SNTB2: variants seen among roughly 807,000 people sequenced by gnomAD.
SNTB2 encodes the protein syntrophin beta 2, also known as beta-2-syntrophin.
Under a neutral mutation model 46.2 loss-of-function variants are expected in SNTB2, and 34 were observed. The ratio of observed to expected loss-of-function variants is 0.74; its 90% CI spans 0.56 to 0.98. SNTB2 has a LOEUF of 0.98. Among genes scored for constraint, SNTB2 ranks in the 50% least tolerant of loss-of-function variants. The pLI is 0.00. For missense variants in SNTB2, 603 were observed against 731.4 expected (o/e 0.82, Z 2.02); for synonymous variants, 290 against 312.6 (o/e 0.93, Z 0.76).
At chr16:69,203,470 C>G (rs1415601631) in intron 1 of SNTB2, among the ~76,000 whole-genome samples, 1 of 152,030 alleles carries the variant, frequency 6.6e-6, no homozygotes, top group East Asian at 1.9e-4. Flanking sequence ...TCTCGAGTAG[C>G]TGGAATTAGT....
chr16:69,267,260 G>A (rs200407983), intron 3 of SNTB2, among the ~76,000 whole-genome samples: 19 of 152,178 alleles, frequency 1.2e-4, no homozygotes, highest in African/African-American at 3.1e-4. Flanking sequence ...CTCTTCATCC[G>A]CCTGACTTGG....
chr16:69,282,030 C>A (rs999932487), intron 4 of SNTB2, among the ~76,000 whole-genome samples: 6 of 149,176 alleles, frequency 4.0e-5, no homozygotes, highest in Admixed American at 6.6e-5. Context: ...CTCAGCCTTC[C>A]GAGTAGCTGA....
chr16:69,237,196 G>T (rs898704682), intron 1 of SNTB2, among the ~76,000 whole-genome samples: 2 of 152,012 alleles, frequency 1.3e-5, no homozygotes, highest in Admixed American at 1.3e-4. Context: ...AAAGTGAGAA[G>T]TGCTAAAATC....
intron 1 of SNTB2, chr16:69,241,837 G>A (rs1272329135): frequency 1.3e-5 from 2 of 151,372 alleles, no homozygotes; most frequent in East Asian, 2.0e-4. Flanking sequence ...GCTAAGATGG[G>A]AGGATGGTTT....
At chr16:69,294,448 G>T (rs145992446) in intron 5 of SNTB2, among the ~76,000 whole-genome samples, 477 of 152,274 alleles carry the variant, frequency 3.1e-3, no homozygotes, top group Non-Finnish European at 4.1e-3. Flanking sequence ...TACAGGCTGG[G>T]CATGGTGGCT....
chr16:69,204,282 G>A (rs745781319), intron 1 of SNTB2, among the ~76,000 whole-genome samples: 8 of 152,182 alleles, frequency 5.3e-5, no homozygotes, highest in Non-Finnish European at 1.0e-4. Flanking sequence ...GTATGAGGAA[G>A]CAGAAGTGAA....
At chr16:69,230,219 C>T (rs1277790434) in intron 1 of SNTB2, among the ~76,000 whole-genome samples, 3 of 152,066 alleles carry the variant, frequency 2.0e-5, no homozygotes, top group Admixed American at 2.0e-4. Flanking sequence ...CAAATGTGAC[C>T]ACTATTAGCA....
At chr16:69,267,030 CTT>C (rs766798193) in intron 3 of SNTB2, among the ~76,000 whole-genome samples, 19 of 142,674 alleles carry the variant, frequency 1.3e-4, no homozygotes, top group Admixed American at 2.8e-4. Context: ...ATCAGTTTAT[CTT>C]TTTTTTTTTT....
intron 3 of SNTB2, among the ~76,000 whole-genome samples, chr16:69,264,897 A>G (rs752747348): frequency 6.6e-6 from 1 of 152,212 alleles, no homozygotes; most frequent in African/African-American, 2.4e-5. Context: ...AAGACGTTCA[A>G]GAATAAAGAA....
At chr16:69,196,767 C>G (rs2152289220) in intron 1 of SNTB2, among the ~76,000 whole-genome samples, 2 of 152,230 alleles carry the variant, frequency 1.3e-5, no homozygotes, top group South Asian at 4.1e-4. Context: ...ACAGTCAGTG[C>G]AAGGTTATAG....
chr16:69,293,541 G>A (rs1209313488), intron 5 of SNTB2, among the ~76,000 whole-genome samples: 2 of 152,212 alleles, frequency 1.3e-5, no homozygotes, highest in Non-Finnish European at 2.9e-5. Flanking sequence ...AGGAGTGGAC[G>A]TGAGGTGAAT....
At chr16:69,280,235 A>G (rs552215385) in intron 4 of SNTB2, among the ~76,000 whole-genome samples, 1 of 152,346 alleles carries the variant, frequency 6.6e-6, no homozygotes. Context: ...GTACAGAACA[A>G]AATGAAAAGT....
intron 1 of SNTB2, among the ~76,000 whole-genome samples, chr16:69,228,986 G>T (rs956119187): frequency 1.3e-5 from 2 of 152,122 alleles, no homozygotes; most frequent in Non-Finnish European, 2.9e-5. Context: ...TATCCAGAGA[G>T]CATCAATCGT....
intron 1 of SNTB2, among the ~76,000 whole-genome samples, chr16:69,205,036 A>C (rs1964199821): frequency 6.6e-6 from 1 of 152,340 alleles, no homozygotes; most frequent in East Asian, 1.9e-4. Flanking sequence ...ACTCCTTAGC[A>C]AACAAGAGTC....
chr16:69,263,173 C>G (rs1286131997), intron 3 of SNTB2, among the ~76,000 whole-genome samples: 2 of 150,646 alleles, frequency 1.3e-5, no homozygotes, highest in Non-Finnish European at 2.9e-5. Flanking sequence ...GTGGTATAAT[C>G]ATGGCTCAGT....
At chr16:69,298,291 A>G (rs1965246159) in intron 5 of SNTB2, among the ~76,000 whole-genome samples, 1 of 152,150 alleles carries the variant, frequency 6.6e-6, no homozygotes, top group Admixed American at 6.5e-5. Flanking sequence ...CTGTCAATTC[A>G]GAGGTGTCCT....
intron 1 of SNTB2, among the ~76,000 whole-genome samples, chr16:69,206,376 G>A (rs1380888849): frequency 6.6e-6 from 1 of 152,056 alleles, no homozygotes; most frequent in Non-Finnish European, 1.5e-5. Flanking sequence ...TGATCAAGAT[G>A]TGGGTAATTA....
chr16:69,259,426 G>T (rs1045573183), intron 2 of SNTB2, among the ~76,000 whole-genome samples: 3 of 150,852 alleles, frequency 2.0e-5, no homozygotes, highest in Non-Finnish European at 2.9e-5. Flanking sequence ...GTAGAGTCAA[G>T]GTTTCACTGT....
At chr16:69,244,414 G>A (rs1307501567) in intron 1 of SNTB2, among the ~76,000 whole-genome samples, 1 of 152,182 alleles carries the variant, frequency 6.6e-6, no homozygotes, top group Non-Finnish European at 1.5e-5. Flanking sequence ...AGACAGGGTA[G>A]CTAGAAATCT....
Sources: gnomAD v4.1 joint callset for allele counts (sites outside exome capture counted in the v4.1 genomes callset) on GRCh38, gnomAD v4.1.1 for gene constraint, MANE v1.5 for transcripts, NCBI Gene and HGNC (gene_info 2026-07-23, HGNC 2026-07-21) for gene names.